ALG12: variants seen among roughly 807,000 people sequenced by gnomAD.
ALG12 encodes the protein ALG12 alpha-1,6-mannosyltransferase, also known as dol-P-Man:Man(7)GlcNAc(2)-PP-Dol alpha-1,6-mannosyltransferase.
In ALG12, 36 loss-of-function variants were observed where a neutral mutation model predicts 46.0. The ratio of observed to expected loss-of-function variants is 0.78; its 90% CI spans 0.60 to 1.03. The LOEUF (loss-of-function observed/expected upper bound fraction) is 1.03. Ranked by LOEUF, ALG12 falls within the 50% of genes least tolerant of loss-of-function variation. The pLI is 0.00. For synonymous variants in ALG12, 326 were observed against 291.6 expected (o/e 1.12, Z -1.20); for missense variants, 599 against 633.5 (o/e 0.95, Z 0.58).
the ALG12 span, chr22:49,886,620 G>T: frequency 6.3e-7 from 1 of 1,579,062 alleles, no homozygotes; most frequent in Non-Finnish European, 8.6e-7. This position sits in a 1 kb window ranked among gnomAD's most constrained non-coding sequence, Gnocchi z 7.7. Flanking sequence ...GCTCTCTGAA[G>T]GAGGCCATGG....
rs753207263 is a variant in ALG12, at chr22:49,910,599, C to T, written c.304G>A (p.Val102Met). Residue 102 changes from valine (V) to methionine (M), a missense_variant, in exon 4 of 10, where the codon GTG becomes ATG. By Grantham distance (21) the Val-to-Met change is conservative. Coordinates refer to ENST00000330817, the MANE Select transcript of ALG12 (RefSeq NM_024105.4). ...CCAAAAATCACGCCGAGTCCAAGCA[C>T]TCCTCTAACTAAACAAAGACAGTGA... ...KFYSQLIVRG[V>M]LGLGVIFGLW... 3 of 1,614,008 alleles carry T rather than the reference C, an allele frequency of 1.9e-6. No individual in the cohort carries two copies. In the African/African-American group the frequency reaches 4.0e-5, roughly 22 times the overall value.
the ALG12 span, among the ~76,000 whole-genome samples, chr22:49,861,404 A>G: frequency 1.3e-5 from 2 of 152,108 alleles, no homozygotes; most frequent in Non-Finnish European, 2.9e-5. Flanking sequence ...AGTCTCTCAA[A>G]GTGGTGGGAT....
At chr22:49,918,180 C>T (rs1235662490) in intron 1 of ALG12, 83 bp downstream of exon 1, 1 of 152,440 alleles carries the variant, frequency 6.6e-6, no homozygotes, top group African/African-American at 2.4e-5. Flanking sequence ...CCAGCGCCAG[C>T]TCGGGTCGCG....
chr22:49,879,006 G>T, the ALG12 span, among the ~76,000 whole-genome samples: 4 of 151,452 alleles, frequency 2.6e-5, no homozygotes, highest in Non-Finnish European at 1.5e-5. Context: ...TTAGCCGGGT[G>T]TGGTGGCGCG....
chr22:49,864,481 G>A, the ALG12 span, among the ~76,000 whole-genome samples: 1 of 152,206 alleles, frequency 6.6e-6, no homozygotes, highest in African/African-American at 2.4e-5. Flanking sequence ...CTCAGGACAC[G>A]GCCACGTCCG....
intron 7 of ALG12, among the ~76,000 whole-genome samples, chr22:49,907,456 G>A: frequency 6.6e-6 from 1 of 152,272 alleles, no homozygotes; most frequent in Non-Finnish European, 1.5e-5. Context: ...TTTGACATAA[G>A]CGCCTAGTTC....
chr22:49,869,364 C>A, the ALG12 span, among the ~76,000 whole-genome samples: 1 of 152,204 alleles, frequency 6.6e-6, no homozygotes, highest in Non-Finnish European at 1.5e-5. Context: ...TGGTTATCCA[C>A]CTCGGGCCTT....
chr22:49,899,152 G>A (rs983283758), downstream of ALG12, among the ~76,000 whole-genome samples: 8 of 151,902 alleles, frequency 5.3e-5, no homozygotes, highest in African/African-American at 1.9e-4. Flanking sequence ...ATTAGCATAT[G>A]AAAAGACATT....
At chr22:49,867,706 C>G in the ALG12 span, among the ~76,000 whole-genome samples, 1 of 152,058 alleles carries the variant, frequency 6.6e-6, no homozygotes, top group Non-Finnish European at 1.5e-5. Flanking sequence ...TCTTTCTTTT[C>G]CAGCTGCCAG....
At chr22:49,870,542 C>T in the ALG12 span, among the ~76,000 whole-genome samples, 4 of 152,106 alleles carry the variant, frequency 2.6e-5, no homozygotes, top group East Asian at 1.9e-4. Context: ...GATGGTATCT[C>T]GTTGTGGTTT....
chr22:49,876,471 T>G, the ALG12 span, among the ~76,000 whole-genome samples: 1 of 152,228 alleles, frequency 6.6e-6, no homozygotes, highest in Non-Finnish European at 1.5e-5. Flanking sequence ...TATGCACCTT[T>G]GGGAGAATGC....
the ALG12 span, chr22:49,887,086 G>A: frequency 1.7e-5 from 27 of 1,614,044 alleles, no homozygotes; most frequent in Middle Eastern, 1.6e-4. Context: ...CACTGAGAAC[G>A]GTAGCCTTGG....
At chr22:49,899,300 C>T (rs1391248498), downstream of ALG12, among the ~76,000 whole-genome samples, 2 of 151,932 alleles carry the variant, frequency 1.3e-5, no homozygotes, top group African/African-American at 2.4e-5. Context: ...TATGGTGAAA[C>T]CCTGTCTCTA....
At chr22:49,887,493 CAAA>C in the ALG12 span, 16 of 248,854 alleles carry the variant, frequency 6.4e-5, no homozygotes, top group Admixed American at 3.0e-4. Context: ...ACTAGAATGA[CAAA>C]GAAGATGTAA....
At chr22:49,896,891 T>C (rs576352054), downstream of ALG12, among the ~76,000 whole-genome samples, 6 of 152,150 alleles carry the variant, frequency 3.9e-5, no homozygotes, top group Non-Finnish European at 5.9e-5. Context: ...TCCACCTACC[T>C]TGGCCTCCCA....
At chr22:49,859,692 A>G in the ALG12 span, among the ~76,000 whole-genome samples, 1 of 152,242 alleles carries the variant, frequency 6.6e-6, no homozygotes, top group Non-Finnish European at 1.5e-5. Context: ...AGTTCAGTCA[A>G]TTTGAATTAT....
At chr22:49,864,839 A>AAAAG in the ALG12 span, among the ~76,000 whole-genome samples, 1,878 of 133,040 alleles carry the variant, frequency 0.014, 135 homozygotes, top group African/African-American at 0.041. Flanking sequence ...AAAAAAAAAA[A>AAAAG]GCCCTGATTA....
the ALG12 span, chr22:49,886,756 G>A: frequency 6.2e-7 from 1 of 1,612,520 alleles, no homozygotes; most frequent in Non-Finnish European, 8.5e-7. The surrounding 1 kb of genome is among the most constrained non-coding windows in gnomAD (Gnocchi z 7.7). Context: ...TTTAATCAGG[G>A]AACTCGAACT....
chr22:49,883,595 G>A, the ALG12 span: 2 of 1,457,066 alleles, frequency 1.4e-6, no homozygotes, highest in Non-Finnish European at 1.8e-6. Context: ...TACATTCGGG[G>A]GCACAAATGA....
Sources: allele counts gnomAD v4.1 joint callset (sites outside exome capture counted in the v4.1 genomes callset), GRCh38; gene constraint gnomAD v4.1.1; non-coding constraint Gnocchi (gnomAD v3.1); transcripts MANE v1.5; gene names NCBI Gene and HGNC (gene_info 2026-07-23, HGNC 2026-07-21).